The following RGS6 variants were observed in gnomAD, a reference collection of about 807,000 sequenced individuals.
The protein encoded by RGS6 is regulator of G protein signaling 6, also known as regulator of G-protein signaling 6.
RGS6 carries 30 observed loss-of-function variants against 78.5 expected under a neutral mutation model. That is an observed-to-expected ratio of 0.38 (90% CI 0.29 to 0.52). The LOEUF (loss-of-function observed/expected upper bound fraction) is 0.52, where lower values mean the gene tolerates loss of function less well. Ranked by LOEUF, RGS6 falls within the 20% of genes least tolerant of loss-of-function variation. The pLI, the probability that RGS6 is intolerant of heterozygous loss-of-function variation, is 0.85. For missense variants in RGS6, 495 were observed against 609.7 expected, an observed-to-expected ratio of 0.81 and a Z score of 1.98; for synonymous variants, 206 against 206.0, an observed-to-expected ratio of 1.00 and a Z score of 0.00.
Position 72,469,990 on chromosome 14 carries a change from T to C in RGS6, c.460-17T>C. On this transcript the variant is annotated splice_polypyrimidine_tract_variant and intron_variant, in intron 7 of 17. Transcript: ENST00000553525. Reference sequence around the variant, plus strand: ...ACGATGATTAATGCCGCCTTGTTGATTTTCATTTCTCATTAGGAAAACTTA... The same window carrying C: ...ACGATGATTAATGCCGCCTTGTTGACTTTCATTTCTCATTAGGAAAACTTA... 6.3e-7 allele frequency: 1 copy of C among 1,591,920 alleles called. No homozygotes were observed. Among genetic ancestry groups the C allele is most frequent in the African/African-American group, 1.3e-5 (1 of 74,520 alleles).
intron 14 of RGS6, among the ~76,000 whole-genome samples, chr14:72,517,324 A>T (rs1440087906): frequency 6.6e-6 from 1 of 152,010 alleles, no homozygotes; most frequent in African/African-American, 2.4e-5. Flanking sequence ...TTACTCACTG[A>T]TGGGGGAGCT....
intron 2 of RGS6, among the ~76,000 whole-genome samples, chr14:72,117,821 C>T (rs965584716): frequency 6.6e-6 from 1 of 152,164 alleles, no homozygotes; most frequent in Non-Finnish European, 1.5e-5. Flanking sequence ...CAGCTCTTCC[C>T]CTTCTGCCTC....
At chr14:72,189,791 A>G (rs1157882259) in intron 2 of RGS6, among the ~76,000 whole-genome samples, 1 of 152,152 alleles carries the variant, frequency 6.6e-6, no homozygotes, top group African/African-American at 2.4e-5. Context: ...CTAGGCAGAA[A>G]TGAATACCAC....
chr14:72,366,035 C>T (rs933580948), intron 3 of RGS6, among the ~76,000 whole-genome samples: 5 of 152,050 alleles, frequency 3.3e-5, no homozygotes, highest in African/African-American at 7.2e-5. Flanking sequence ...CTGAGTGACC[C>T]GGGACTCCAG....
chr14:72,526,733 A>T (rs911671393), intron 15 of RGS6, among the ~76,000 whole-genome samples: 1 of 150,468 alleles, frequency 6.6e-6, no homozygotes, highest in African/African-American at 2.5e-5. Flanking sequence ...TCATCCAAAG[A>T]TACATCCAGA....
rs1270875231 is a variant in RGS6, at chr14:72,232,526, T to A, written c.85-119569T>A. 3.3e-5 allele frequency among the ~76,000 whole-genome samples: 5 copies of A among 152,166 alleles called. No individual in the cohort carries two copies. In the East Asian group the frequency reaches 9.6e-4, roughly 29 times the overall value. ...TTGGAAGACTGCTGTCAGGACATAG[T>A]TTATGTAAGAATGAAGATAACTCTC... is the stretch of plus-strand genomic sequence containing the variant. On this transcript the variant is annotated intron_variant, in intron 2 of 17. Coordinates refer to ENST00000553525, the MANE Select transcript of RGS6 (RefSeq NM_001204424.2).
At chr14:72,238,981 G>A (rs577653530) in intron 2 of RGS6, among the ~76,000 whole-genome samples, 2 of 152,232 alleles carry the variant, frequency 1.3e-5, no homozygotes, top group East Asian at 1.9e-4. Flanking sequence ...TTCAATTCTT[G>A]CCTCCTCAGA....
intron 12 of RGS6, among the ~76,000 whole-genome samples, chr14:72,493,982 A>G (rs1245191323): frequency 3.3e-5 from 5 of 152,234 alleles, no homozygotes; most frequent in African/African-American, 1.2e-4. Context: ...AATCCAGGAA[A>G]CATGGGCTTT....
At chr14:72,608,358 G>A in the RGS6 span, among the ~76,000 whole-genome samples, 2 of 152,130 alleles carry the variant, frequency 1.3e-5, no homozygotes, top group African/African-American at 4.8e-5. Flanking sequence ...TTGCTTTAAG[G>A]CCATTGCTAA....
At chr14:72,622,217 G>A in the RGS6 span, among the ~76,000 whole-genome samples, 1 of 152,122 alleles carries the variant, frequency 6.6e-6, no homozygotes, top group Non-Finnish European at 1.5e-5. Flanking sequence ...AAAGATCAAG[G>A]ACCCAAAAGA....
chr14:71,927,719 G>A (rs959115819), upstream of RGS6, among the ~76,000 whole-genome samples: 4 of 150,092 alleles, frequency 2.7e-5, no homozygotes, highest in African/African-American at 4.9e-5. Flanking sequence ...GTGCAGTGGC[G>A]CGATCTCGAC....
At chr14:72,028,420 C>T (rs1376010514) in intron 2 of RGS6, among the ~76,000 whole-genome samples, 1 of 152,190 alleles carries the variant, frequency 6.6e-6, no homozygotes, top group African/African-American at 2.4e-5. Flanking sequence ...TCCTTCTTAG[C>T]TAATACATCT....
chr14:72,437,256 G>A (rs551435402), intron 3 of RGS6, among the ~76,000 whole-genome samples: 11 of 144,634 alleles, frequency 7.6e-5, no homozygotes, highest in South Asian at 4.4e-4. Context: ...CAGGAGAATC[G>A]CTTGAACCCA....
At chr14:71,883,361 C>A in the RGS6 span, among the ~76,000 whole-genome samples, 1 of 152,128 alleles carries the variant, frequency 6.6e-6, no homozygotes, top group Non-Finnish European at 1.5e-5. Flanking sequence ...TCCTGGAGTC[C>A]ACAAAATTAT....
chr14:72,541,489 C>A (rs1399276613), intron 17 of RGS6: 4 of 1,535,602 alleles, frequency 2.6e-6, no homozygotes, highest in Non-Finnish European at 3.5e-6. Context: ...AACACAAGGC[C>A]TGCGGGTGCC....
chr14:72,165,767 G>C (rs2096916551), intron 2 of RGS6, among the ~76,000 whole-genome samples: 1 of 152,028 alleles, frequency 6.6e-6, no homozygotes. Context: ...TTTTTGCTCG[G>C]AATCATTCTT....
At chr14:71,936,661 C>G (rs891596462) in intron 1 of RGS6, among the ~76,000 whole-genome samples, 1 of 152,150 alleles carries the variant, frequency 6.6e-6, no homozygotes, top group African/African-American at 2.4e-5. Context: ...ATCCCCAATG[C>G]AAATACTATT....
intron 15 of RGS6, among the ~76,000 whole-genome samples, chr14:72,522,061 G>T (rs528656523): frequency 6.6e-6 from 1 of 152,280 alleles, no homozygotes; most frequent in East Asian, 1.9e-4. Context: ...TGTAAGGTCT[G>T]CTCAGGCTGC....
In RGS6 at chr14:72,309,875, A is replaced by G. The variant is rs545599231; in HGVS notation, c.85-42220A>G. 3.3e-4 allele frequency among the ~76,000 whole-genome samples: 51 copies of G among 152,332 alleles called. 1 individual carries two copies. Among genetic ancestry groups the G allele is most frequent in the Non-Finnish European group, 6.0e-4 (41 of 68,032 alleles). On this transcript the variant is annotated intron_variant, in intron 2 of 17. Transcript: ENST00000553525. Reference sequence around the variant, plus strand: ...AAACTCAAAGTATGTCTTTGTAACTAGAGACATATTCTGGGTAGTGTGGCT... The same window carrying G: ...AAACTCAAAGTATGTCTTTGTAACTGGAGACATATTCTGGGTAGTGTGGCT...
Sources: gnomAD v4.1 joint callset for allele counts (sites outside exome capture counted in the v4.1 genomes callset) on GRCh38, gnomAD v4.1.1 for gene constraint, MANE v1.5 for transcripts, NCBI Gene and HGNC (gene_info 2026-07-23, HGNC 2026-07-21) for gene names.